The following FHOD3 variants were observed in gnomAD, a reference collection of about 807,000 sequenced individuals.
FHOD3 encodes the protein formin homology 2 domain containing 3, also known as FH1/FH2 domain-containing protein 3.
FHOD3 carries 90 observed loss-of-function variants against 173.0 expected under a neutral mutation model. That is an observed-to-expected ratio of 0.52 (90% CI 0.44 to 0.62). FHOD3 has a LOEUF of 0.62. Ranked by LOEUF, FHOD3 falls within the 20% of genes least tolerant of loss-of-function variation. The pLI is 0.00. For synonymous variants in FHOD3, 828 were observed against 823.0 expected, an observed-to-expected ratio of 1.01 and a Z score of -0.10; for missense variants, 1,945 against 2,034.7, an observed-to-expected ratio of 0.96 and a Z score of 0.85.
At chr18:36,314,524 C>T (rs1029396600) in intron 1 of FHOD3, among the ~76,000 whole-genome samples, 3 of 152,120 alleles carry the variant, frequency 2.0e-5, no homozygotes, top group Non-Finnish European at 2.9e-5. Context: ...GAGAATAGAG[C>T]TTTAGAGGAG....
At chr18:36,765,636 ACT>A (rs1214285449) in intron 27 of FHOD3, among the ~76,000 whole-genome samples, 1 of 152,220 alleles carries the variant, frequency 6.6e-6, no homozygotes, top group African/African-American at 2.4e-5. Context: ...AGCAAATTAG[ACT>A]CTATAAATAA....
chr18:36,642,883 T>A (rs1028648009), intron 10 of FHOD3, among the ~76,000 whole-genome samples: 1 of 151,178 alleles, frequency 6.6e-6, no homozygotes, highest in East Asian at 2.0e-4. Flanking sequence ...ATTGTGGGGG[T>A]TTTTTTCAGT....
chr18:36,464,698 G>A (rs998163120), intron 3 of FHOD3, among the ~76,000 whole-genome samples: 6 of 152,168 alleles, frequency 3.9e-5, no homozygotes, highest in Non-Finnish European at 8.8e-5. Flanking sequence ...GGGAGACCAG[G>A]CTGGGTCCTT....
intron 21 of FHOD3, among the ~76,000 whole-genome samples, chr18:36,742,446 G>A (rs1364964006): frequency 6.6e-6 from 1 of 152,178 alleles, no homozygotes; most frequent in Admixed American, 6.5e-5. Flanking sequence ...TGTCCGAGGA[G>A]TCAGCCACAG....
In FHOD3 at chr18:36,666,152, C is replaced by T. The variant is rs1038076989; in HGVS notation, c.1835+7964C>T. On this transcript the variant is annotated intron_variant, in intron 14 of 28. Coordinates refer to ENST00000590592, the MANE Select transcript of FHOD3 (RefSeq NM_001281740.3). Reference sequence around the variant, plus strand: ...TGGGACCAGTCTCCACAGCACACTGCGTGAGCCCTGCTATTCCTTCCCATG... The same window carrying T: ...TGGGACCAGTCTCCACAGCACACTGTGTGAGCCCTGCTATTCCTTCCCATG... 1.9e-4 allele frequency among the ~76,000 whole-genome samples: 29 copies of T among 152,342 alleles called. No homozygotes were observed. In the East Asian group the frequency reaches 4.0e-3, roughly 21 times the overall value.
chr18:36,745,275 T>C (rs1253384626), intron 23 of FHOD3, among the ~76,000 whole-genome samples: 4 of 152,174 alleles, frequency 2.6e-5, no homozygotes, highest in Non-Finnish European at 5.9e-5. Flanking sequence ...CTAAGCCTCA[T>C]TGTATCATGA....
chr18:36,669,638 A>G (rs2037402773), intron 14 of FHOD3, among the ~76,000 whole-genome samples: 1 of 151,942 alleles, frequency 6.6e-6, no homozygotes, highest in Non-Finnish European at 1.5e-5. Context: ...TATGTATTTC[A>G]TGCATAGCAT....
chr18:36,780,108 G>A lies in FHOD3; in HGVS notation c.*578G>A. On this transcript the variant is annotated 3_prime_UTR_variant, in exon 29 of 29. Transcript: ENST00000590592. ...AACAGGACCTTAAACAGTTCCACAG[G>A]CTCGCCTCTTCAGAATGGCAAAACT... 8.1e-6 allele frequency: 10 copies of A among 1,229,594 alleles called. No individual in the cohort carries two copies. Among genetic ancestry groups the A allele is most frequent in the Non-Finnish European group, 1.0e-5 (10 of 985,770 alleles). 76.2% of individuals were successfully genotyped at this position (1,229,594 alleles called of 1,614,324 possible). A position where few individuals can be genotyped will look rare whatever the true frequency, so the allele number is the denominator to read the frequency against.
intron 15 of FHOD3, among the ~76,000 whole-genome samples, chr18:36,684,418 C>T (rs536939608): frequency 6.6e-6 from 1 of 151,658 alleles, no homozygotes; most frequent in African/African-American, 2.4e-5. Context: ...CATTTAAAGA[C>T]TTTAAAGTAG....
intron 3 of FHOD3, among the ~76,000 whole-genome samples, chr18:36,498,326 G>T (rs918976236): frequency 1.3e-5 from 2 of 151,990 alleles, no homozygotes; most frequent in African/African-American, 4.8e-5. Flanking sequence ...TAAAGCAAAC[G>T]AAAGGAAATA....
rs562960143 is a variant in FHOD3 at position 36,445,756 on chromosome 18, A to C, written c.338-56176A>C. Among the ~76,000 whole-genome samples the C allele has an allele frequency of 2.0e-5, 3 of 152,222 alleles. No individual in the cohort carries two copies. The South Asian group carries it at 6.2e-4, about 32-fold the overall frequency. ...TGTCTCATCTTGGGTTTTTCTTTCC[A>C]TTCGAGGTTGCCCCATTGGTGGGTT... On this transcript the variant is annotated intron_variant, in intron 3 of 28. Coordinates refer to ENST00000590592, the MANE Select transcript of FHOD3 (RefSeq NM_001281740.3).
At chr18:36,470,592 C>T (rs780420414) in intron 3 of FHOD3, among the ~76,000 whole-genome samples, 10 of 152,168 alleles carry the variant, frequency 6.6e-5, no homozygotes, top group African/African-American at 1.2e-4. Flanking sequence ...GTAATTGTAT[C>T]GTTCTAATAG....
chr18:36,634,345 A>T (rs377535609), intron 10 of FHOD3, among the ~76,000 whole-genome samples: 1 of 152,146 alleles, frequency 6.6e-6, no homozygotes, highest in East Asian at 1.9e-4. Context: ...GGGTGAGCTC[A>T]TCTTCCCATG....
At chr18:36,445,720 G>C (rs377161194) in intron 3 of FHOD3, among the ~76,000 whole-genome samples, 1 of 152,160 alleles carries the variant, frequency 6.6e-6, no homozygotes. Context: ...GATTATGAAG[G>C]TTTGGGCCTC....
intron 5 of FHOD3, among the ~76,000 whole-genome samples, chr18:36,530,227 TAAG>T (rs1390172407): frequency 2.6e-5 from 4 of 152,160 alleles, no homozygotes; most frequent in Non-Finnish European, 4.4e-5. Context: ...CAGCTTAAAA[TAAG>T]AAGCATGACC....
At chr18:36,573,395 A>G (rs2058525763) in intron 5 of FHOD3, among the ~76,000 whole-genome samples, 1 of 151,262 alleles carries the variant, frequency 6.6e-6, no homozygotes, top group Admixed American at 6.6e-5. Flanking sequence ...ACTTGAGCCC[A>G]GGAGTTTGAA....
intron 5 of FHOD3, among the ~76,000 whole-genome samples, chr18:36,513,017 A>G (rs917775967): frequency 6.6e-6 from 1 of 152,176 alleles, no homozygotes; most frequent in Non-Finnish European, 1.5e-5. Flanking sequence ...GATAGTTTTG[A>G]GCGGGTCCGG....
At position 36,595,667 on chromosome 18, in the gene FHOD3, CCAG is replaced by C. The variant is rs2030225827; in HGVS notation, c.718+773_718+775del. On this transcript the variant is annotated intron_variant, in intron 7 of 28. Transcript: ENST00000590592. Reference sequence around the variant, plus strand: ...TCCCAGCACTCCAGCTGGCCCAGAGCCAGCAGGCATGCTGCAAACACGTGGCGA... The same window carrying C: ...TCCCAGCACTCCAGCTGGCCCAGAGCCAGGCATGCTGCAAACACGTGGCGA... Among the ~76,000 whole-genome samples, 4 of 152,212 alleles carry C rather than the reference CCAG, an allele frequency of 2.6e-5. No individual in the cohort carries two copies. In the South Asian group the frequency reaches 8.3e-4, roughly 32 times the overall value.
chr18:36,460,801 T>A (rs139787087), intron 3 of FHOD3, among the ~76,000 whole-genome samples: 1 of 152,270 alleles, frequency 6.6e-6, no homozygotes, highest in African/African-American at 2.4e-5. Context: ...GTCAGAGGGT[T>A]GTTGAGAGAA....
Sources: allele counts gnomAD v4.1 joint callset (sites outside exome capture counted in the v4.1 genomes callset), GRCh38; gene constraint gnomAD v4.1.1; transcripts MANE v1.5; gene names NCBI Gene and HGNC (gene_info 2026-07-23, HGNC 2026-07-21).